The following TXNRD1 variants were observed in gnomAD, a reference collection of about 807,000 sequenced individuals.
TXNRD1 encodes the protein thioredoxin reductase 1, also known as thioredoxin reductase 1, cytoplasmic.
In TXNRD1, 57 loss-of-function variants were observed where a neutral mutation model predicts 80.3. That is an observed-to-expected ratio of 0.71 (90% confidence interval 0.57 to 0.89). TXNRD1 has a LOEUF of 0.89. TXNRD1 is among the 40% of genes least tolerant of loss of function. The probability of loss-of-function intolerance (pLI) is 0.00; values close to 1 mark genes in which losing one functional copy is unlikely to be tolerated. For synonymous variants in TXNRD1, 291 were observed against 285.2 expected (o/e 1.02, Z -0.20); for missense variants, 730 against 803.0 (o/e 0.91, Z 1.10).
intron 4 of TXNRD1, among the ~76,000 whole-genome samples, chr12:104,292,697 C>G (rs992082100): frequency 3.3e-5 from 5 of 152,126 alleles, no homozygotes; most frequent in Admixed American, 2.6e-4. Flanking sequence ...CCCGGCTTGC[C>G]TTATTGTTTT....
chr12:104,277,282 A>AC (rs2033775869), intron 3 of TXNRD1, among the ~76,000 whole-genome samples: 1 of 150,764 alleles, frequency 6.6e-6, no homozygotes, highest in African/African-American at 2.4e-5. Flanking sequence ...CGCCTATAGT[A>AC]CCAGCTACTA....
chr12:104,227,921 C>G (rs1275979241), intron 1 of TXNRD1, among the ~76,000 whole-genome samples: 2 of 151,986 alleles, frequency 1.3e-5, no homozygotes, highest in African/African-American at 2.4e-5. Context: ...TTTTTTTGTC[C>G]TTTCATTCAT....
chr12:104,288,826 C>A (rs768077008), intron 3 of TXNRD1, 105 bp from the exon 4 acceptor site: 1 of 1,608,174 alleles, frequency 6.2e-7, no homozygotes, highest in Non-Finnish European at 8.5e-7. Context: ...AGAGGGCACG[C>A]GGTGCCTGCG....
intron 1 of TXNRD1, among the ~76,000 whole-genome samples, chr12:104,235,419 G>A (rs576169021): frequency 1.3e-5 from 2 of 152,318 alleles, no homozygotes; most frequent in South Asian, 4.1e-4. Flanking sequence ...AGGCAAGGAA[G>A]TTAGGCTTTG....
chr12:104,284,519 C>G (rs1197438586), intron 3 of TXNRD1: 1 of 152,096 alleles, frequency 6.6e-6, no homozygotes, highest in Non-Finnish European at 1.5e-5. Context: ...ACAATAGGAG[C>G]CTTTATCAAA....
At chr12:104,226,898 C>T (rs2032485201) in intron 1 of TXNRD1, among the ~76,000 whole-genome samples, 2 of 152,112 alleles carry the variant, frequency 1.3e-5, no homozygotes, top group Non-Finnish European at 1.5e-5. Flanking sequence ...GGAATGCATG[C>T]CTGAATGACT....
intron 1 of TXNRD1, among the ~76,000 whole-genome samples, chr12:104,220,676 G>A (rs1295875500): frequency 6.7e-6 from 1 of 148,876 alleles, no homozygotes; most frequent in African/African-American, 2.5e-5. Flanking sequence ...AGTGAGCTGA[G>A]GTCGTGCCAT....
Position 104,220,712 on chromosome 12 carries a change from C to T in TXNRD1, c.91+4819C>T, listed in dbSNP as rs544664425. On this transcript the variant is annotated intron_variant, in intron 1 of 16. Coordinates refer to ENST00000525566, the MANE Select transcript of TXNRD1 (RefSeq NM_001093771.3). Reference sequence around the variant, plus strand: ...TGCACTCCAGCCTGGGTGATGAGAACGAAACTCCGTCTCCAAAAAAAAAAA... The same window carrying T: ...TGCACTCCAGCCTGGGTGATGAGAATGAAACTCCGTCTCCAAAAAAAAAAA... Among the ~76,000 whole-genome samples, 8 of 115,942 alleles carry T rather than the reference C, an allele frequency of 6.9e-5. No individual in the cohort carries two copies. In the East Asian group the frequency reaches 8.0e-4, roughly 12 times the overall value. The allele number at this position is 115,942 out of a possible 152,430, so 76.1% of individuals were successfully genotyped here.
In TXNRD1 at chr12:104,319,583, C is replaced by G. The variant is rs371619524; in HGVS notation, c.987C>G (p.Ser329Arg). The G allele has an allele frequency of 3.8e-6, 6 of 1,588,812 alleles. No homozygotes were observed. In the African/African-American group the frequency reaches 8.1e-5, roughly 21 times the overall value. The change falls in exon 9 of 17, where the codon AGC becomes AGG. Residue 329 changes from serine (S) to arginine (R), a missense_variant and splice_region_variant. Transcript: ENST00000525566. ...CTGGTGACAAAGAATACTGCATCAG[C>G]AGGTAAAGGAAAAAAGCAGGGTGGA... is the stretch of plus-strand genomic sequence containing the variant. The part of the protein sequence containing the change: ...GIPGDKEYCI[S>R]SDDLFSLPYC...
chr12:104,222,976 T>C (rs2032387147), intron 1 of TXNRD1, among the ~76,000 whole-genome samples: 1 of 152,202 alleles, frequency 6.6e-6, no homozygotes. Flanking sequence ...ACAGATACAC[T>C]CTCTTAAGAA....
At chr12:104,345,088 A>C (rs1014704369) in intron 16 of TXNRD1, among the ~76,000 whole-genome samples, 18 of 152,240 alleles carry the variant, frequency 1.2e-4, no homozygotes, top group African/African-American at 4.3e-4. Context: ...CCATAATGAT[A>C]GAAGGCTAGA....
At chr12:104,286,664 C>A in intron 3 of TXNRD1, 1 of 949,274 alleles carries the variant, frequency 1.1e-6, no homozygotes, top group Non-Finnish European at 1.3e-6. Flanking sequence ...GGGTGGGAGC[C>A]AGGCACCAGG....
At chr12:104,314,420 G>C (rs1046094148) in intron 6 of TXNRD1, among the ~76,000 whole-genome samples, 1 of 152,146 alleles carries the variant, frequency 6.6e-6, no homozygotes, top group Non-Finnish European at 1.5e-5. Context: ...GTGTCAATCT[G>C]TGTCAGACAC....
At chr12:104,294,238 C>CCCCCCA (rs2034349165) in intron 4 of TXNRD1, among the ~76,000 whole-genome samples, 1 of 122,266 alleles carries the variant, frequency 8.2e-6, no homozygotes, top group African/African-American at 3.0e-5. Flanking sequence ...GAAAGGCCCC[C>CCCCCCA]CCCCCCGCCG....
At chr12:104,259,199 T>C (rs1473934838) in intron 3 of TXNRD1, among the ~76,000 whole-genome samples, 1 of 151,886 alleles carries the variant, frequency 6.6e-6, no homozygotes, top group African/African-American at 2.4e-5. Context: ...GCCAATATGG[T>C]GAAACCCTGT....
At chr12:104,221,618 A>G (rs1016834990) in intron 1 of TXNRD1, among the ~76,000 whole-genome samples, 1 of 152,122 alleles carries the variant, frequency 6.6e-6, no homozygotes, top group Admixed American at 6.6e-5. Flanking sequence ...GCTCCCGGCC[A>G]CCTGTTGGTT....
rs534527045 is a variant in TXNRD1 at position 104,284,805 on chromosome 12, G to T, written c.305-4126G>T. Among the ~76,000 whole-genome samples the T allele has an allele frequency of 3.6e-4, 55 of 152,308 alleles. No homozygotes were observed. In the South Asian group the frequency reaches 0.011, roughly 29 times the overall value. ...AGCTTTGAAGGACTAGGCCCTTAGG[G>T]AGGGAAGATAATTCTGAAAAGGAAG... is the stretch of plus-strand genomic sequence containing the variant. On this transcript the variant is annotated intron_variant, in intron 3 of 16. Transcript: ENST00000525566.
At chr12:104,294,858 A>G (rs1404259447) in intron 4 of TXNRD1, among the ~76,000 whole-genome samples, 1 of 152,140 alleles carries the variant, frequency 6.6e-6, no homozygotes, top group Non-Finnish European at 1.5e-5. Context: ...TAATTGAATA[A>G]CTCTCCAACC....
intron 4 of TXNRD1, among the ~76,000 whole-genome samples, chr12:104,298,690 C>T (rs2034512596): frequency 6.6e-6 from 1 of 151,988 alleles, no homozygotes; most frequent in African/African-American, 2.4e-5. Flanking sequence ...CACCATTGCA[C>T]TCTAGCTTGG....
Sources: allele counts gnomAD v4.1 joint callset (sites outside exome capture counted in the v4.1 genomes callset), GRCh38; gene constraint gnomAD v4.1.1; transcripts MANE v1.5; gene names NCBI Gene and HGNC (gene_info 2026-07-23, HGNC 2026-07-21).